The following NCAM2 variants were observed in gnomAD, a reference collection of about 807,000 sequenced individuals.
NCAM2 encodes the protein N-CAM-2.
NCAM2 carries 30 observed loss-of-function variants against 98.1 expected under a neutral mutation model. The observed-to-expected ratio is 0.31, with a 90% CI of 0.23 to 0.41. The LOEUF is 0.41. Among genes scored for constraint, NCAM2 ranks in the 10% least tolerant of loss-of-function variants. The probability of loss-of-function intolerance (pLI) is 1.00; values close to 1 mark genes in which losing one functional copy is unlikely to be tolerated. For missense variants in NCAM2, 867 were observed against 1,005.8 expected (o/e 0.86, Z 1.87); for synonymous variants, 368 against 342.4 (o/e 1.07, Z -0.83).
intron 1 of NCAM2, among the ~76,000 whole-genome samples, chr21:21,124,956 C>G (rs571019270): frequency 5.9e-5 from 9 of 152,002 alleles, no homozygotes; most frequent in Non-Finnish European, 1.3e-4. Context: ...TTAAACACAG[C>G]CATTACTAAA....
intron 1 of NCAM2, among the ~76,000 whole-genome samples, chr21:21,205,963 A>G (rs2147054024): frequency 6.6e-6 from 1 of 152,254 alleles, no homozygotes; most frequent in South Asian, 2.1e-4. Context: ...AGTTCCCAAA[A>G]GTCCAACTCC....
chr21:21,113,388 A>G (rs2066491776), intron 1 of NCAM2, among the ~76,000 whole-genome samples: 1 of 151,676 alleles, frequency 6.6e-6, no homozygotes, highest in African/African-American at 2.4e-5. Flanking sequence ...AAAATATACT[A>G]ATGTTTTATA....
At chr21:21,181,691 C>T (rs2068476397) in intron 1 of NCAM2, among the ~76,000 whole-genome samples, 1 of 152,144 alleles carries the variant, frequency 6.6e-6, no homozygotes, top group Non-Finnish European at 1.5e-5. Context: ...TCAGCTTCTT[C>T]ATTCCTTACT....
At chr21:21,490,923 T>G (rs1160548259) in intron 15 of NCAM2, among the ~76,000 whole-genome samples, 1 of 151,918 alleles carries the variant, frequency 6.6e-6, no homozygotes, top group Non-Finnish European at 1.5e-5. Context: ...AAATGTCATT[T>G]TATTTTCTGT....
intron 1 of NCAM2, among the ~76,000 whole-genome samples, chr21:21,274,178 A>G (rs2051631921): frequency 6.6e-6 from 1 of 151,936 alleles, no homozygotes; most frequent in African/African-American, 2.4e-5. Flanking sequence ...AAAAAAAAAA[A>G]AAAATTTTAA....
chr21:21,003,343 A>T (rs369812069), intron 1 of NCAM2, among the ~76,000 whole-genome samples: 3 of 152,286 alleles, frequency 2.0e-5, no homozygotes, highest in East Asian at 3.9e-4. Context: ...CATTGATCAA[A>T]TCTTTCTTGG....
chr21:21,180,531 C>T (rs2068435753), intron 1 of NCAM2, among the ~76,000 whole-genome samples: 1 of 152,110 alleles, frequency 6.6e-6, no homozygotes, highest in South Asian at 2.1e-4. Flanking sequence ...CTCCTGTTAA[C>T]TACTCAATAA....
chr21:21,333,731 G>A (rs1483767794), intron 6 of NCAM2, among the ~76,000 whole-genome samples: 1 of 151,984 alleles, frequency 6.6e-6, no homozygotes, highest in Non-Finnish European at 1.5e-5. Context: ...TGGGCTAATT[G>A]TGAGTGCTGA....
intron 1 of NCAM2, among the ~76,000 whole-genome samples, chr21:21,229,740 A>G (rs913404645): frequency 5.3e-5 from 8 of 151,508 alleles, no homozygotes; most frequent in East Asian, 1.9e-4. Context: ...AACTAGTTCA[A>G]TAAGTATTTA....
At chr21:21,468,841 C>CA in intron 14 of NCAM2, 58 bp downstream of exon 14, 8 of 1,460,822 alleles carry the variant, frequency 5.5e-6, no homozygotes, top group South Asian at 1.3e-5. Flanking sequence ...AATTGAGTTG[C>CA]ACTGAATTTA....
chr21:21,052,150 A>AGTTTTTTTTTTTTTTTTTTTTTTTTTTTT (rs2065122377), intron 1 of NCAM2, among the ~76,000 whole-genome samples: 1 of 74,792 alleles, frequency 1.3e-5, no homozygotes, highest in African/African-American at 5.8e-5. Flanking sequence ...CATGATGGCC[A>AGTTTTTTTTTTTTTTTTTTTTTTTTTTTT]TTTTTTTTTT....
chr21:21,319,596 A>C (rs1017122678), intron 5 of NCAM2, among the ~76,000 whole-genome samples: 6 of 152,168 alleles, frequency 3.9e-5, no homozygotes, highest in Admixed American at 2.6e-4. Context: ...AGCTGAGATC[A>C]TACCACTGCA....
At chr21:21,198,932 G>T (rs1200768014) in intron 1 of NCAM2, among the ~76,000 whole-genome samples, 1 of 152,046 alleles carries the variant, frequency 6.6e-6, no homozygotes, top group East Asian at 1.9e-4. Flanking sequence ...TATGTATCTG[G>T]GTGGCAAATT....
intron 1 of NCAM2, among the ~76,000 whole-genome samples, chr21:21,109,371 C>T (rs2066410320): frequency 6.6e-6 from 1 of 152,042 alleles, no homozygotes; most frequent in South Asian, 2.1e-4. Flanking sequence ...AATTAGCTTT[C>T]ACAGGATATG....
intron 15 of NCAM2, among the ~76,000 whole-genome samples, chr21:21,491,342 C>T (rs1220854469): frequency 2.0e-5 from 3 of 151,638 alleles, no homozygotes; most frequent in African/African-American, 7.2e-5. Context: ...AACTAGTCTC[C>T]ATTGCTAGCA....
intron 1 of NCAM2, among the ~76,000 whole-genome samples, chr21:21,122,486 T>C (rs2066695624): frequency 6.6e-6 from 1 of 152,234 alleles, no homozygotes; most frequent in African/African-American, 2.4e-5. Flanking sequence ...GCTGTCTTAA[T>C]AATTACTGCC....
At chr21:21,002,762 G>C (rs1228378994) in intron 1 of NCAM2, among the ~76,000 whole-genome samples, 1 of 152,042 alleles carries the variant, frequency 6.6e-6, no homozygotes, top group Non-Finnish European at 1.5e-5. Context: ...GTGTTGATAT[G>C]TGCAAAATTA....
intron 1 of NCAM2, among the ~76,000 whole-genome samples, chr21:21,086,671 T>C (rs977191833): frequency 6.6e-6 from 1 of 152,134 alleles, no homozygotes; most frequent in Non-Finnish European, 1.5e-5. Context: ...ATTAGACTTT[T>C]TGAAGTATTT....
chr21:21,460,066 A>G (rs1982740351), intron 12 of NCAM2, among the ~76,000 whole-genome samples: 1 of 151,950 alleles, frequency 6.6e-6, no homozygotes, highest in African/African-American at 2.4e-5. Flanking sequence ...CCTTAAATAT[A>G]TATAATTTTA....
Sources: gnomAD v4.1 joint callset for allele counts (sites outside exome capture counted in the v4.1 genomes callset) on GRCh38, gnomAD v4.1.1 for gene constraint, MANE v1.5 for transcripts, NCBI Gene and HGNC (gene_info 2026-07-23, HGNC 2026-07-21) for gene names.